MAP4K3: variants seen among roughly 807,000 people sequenced by gnomAD.
The protein encoded by MAP4K3 is mitogen-activated protein kinase kinase kinase kinase 3.
MAP4K3 carries 94 observed loss-of-function variants against 143.5 expected under a neutral mutation model. The ratio of observed to expected loss-of-function variants is 0.65; its 90% confidence interval spans 0.55 to 0.78. The LOEUF is 0.78. MAP4K3 is among the 30% of genes least tolerant of loss of function. The pLI, the probability that MAP4K3 is intolerant of heterozygous loss-of-function variation, is 0.00. For missense variants in MAP4K3, 1,077 were observed against 1,068.1 expected, an observed-to-expected ratio of 1.01 and a Z score of -0.12; for synonymous variants, 416 against 347.2, an observed-to-expected ratio of 1.20 and a Z score of -2.20.
At chr2:39,397,541 C>T (rs568084748) in intron 1 of MAP4K3, among the ~76,000 whole-genome samples, 2 of 152,268 alleles carry the variant, frequency 1.3e-5, no homozygotes, top group Admixed American at 6.5e-5. Flanking sequence ...GGTATCAACT[C>T]TTCTTAAGAT....
At chr2:39,333,151 TA>T (rs2148523004) in intron 7 of MAP4K3, among the ~76,000 whole-genome samples, 1 of 152,322 alleles carries the variant, frequency 6.6e-6, no homozygotes, top group African/African-American at 2.4e-5. Flanking sequence ...TATTTTATTT[TA>T]AAAGCTTTAT....
intron 19 of MAP4K3, 128 bp from the exon 20 acceptor site, chr2:39,288,408 A>T (rs1282665910): frequency 6.8e-6 from 5 of 738,724 alleles, no homozygotes; most frequent in African/African-American, 1.8e-5. Flanking sequence ...GATGAGTTTA[A>T]AGGTTACTCA....
chr2:39,315,729 T>C (rs539905504), intron 12 of MAP4K3, among the ~76,000 whole-genome samples: 3 of 152,278 alleles, frequency 2.0e-5, no homozygotes, highest in Non-Finnish European at 4.4e-5. Context: ...ATGAATCAAG[T>C]ACACTTGAGT....
chr2:39,324,598 A>T (rs1683427362), intron 12 of MAP4K3, among the ~76,000 whole-genome samples: 1 of 152,198 alleles, frequency 6.6e-6, no homozygotes, highest in African/African-American at 2.4e-5. Flanking sequence ...TCTCTGACTT[A>T]AGACAATCTG....
At chr2:39,261,712 A>T (rs188943994) in intron 28 of MAP4K3, among the ~76,000 whole-genome samples, 2 of 152,320 alleles carry the variant, frequency 1.3e-5, no homozygotes, top group African/African-American at 4.8e-5. Flanking sequence ...CACAAAATAA[A>T]AAATTATATA....
intron 1 of MAP4K3, among the ~76,000 whole-genome samples, chr2:39,398,977 G>A (rs1358176265): frequency 6.7e-6 from 1 of 149,932 alleles, no homozygotes; most frequent in Non-Finnish European, 1.5e-5. Context: ...CCAGGAGGTG[G>A]AAGCTGCAGT....
At chr2:39,282,178 G>A (rs1277029063) in intron 22 of MAP4K3, among the ~76,000 whole-genome samples, 1 of 148,498 alleles carries the variant, frequency 6.7e-6, no homozygotes. Flanking sequence ...CTGGGCAACA[G>A]AGTGAGACTC....
chr2:39,376,365 G>A (rs1035796550), intron 2 of MAP4K3, among the ~76,000 whole-genome samples: 32 of 152,126 alleles, frequency 2.1e-4, no homozygotes, highest in Non-Finnish European at 4.1e-4. Context: ...GGCAGAATAT[G>A]AATGATTTTT....
At chr2:39,415,897 G>A (rs1667355461) in intron 1 of MAP4K3, among the ~76,000 whole-genome samples, 1 of 131,838 alleles carries the variant, frequency 7.6e-6, no homozygotes, top group Non-Finnish European at 1.6e-5. Flanking sequence ...AGGTTGCAGT[G>A]AGTCGAGATC....
chr2:39,352,506 G>C (rs562078172), intron 3 of MAP4K3, among the ~76,000 whole-genome samples: 22 of 152,254 alleles, frequency 1.4e-4, no homozygotes, highest in East Asian at 1.4e-3. Flanking sequence ...AGTCTATAAT[G>C]ATTTAATTCT....
chr2:39,319,315 G>T (rs1213057420), intron 12 of MAP4K3, among the ~76,000 whole-genome samples: 4 of 151,792 alleles, frequency 2.6e-5, no homozygotes, highest in Admixed American at 2.6e-4. Context: ...AGGAAATACG[G>T]AAACTAAAAC....
chr2:39,419,945 G>C (rs977360736), intron 1 of MAP4K3, among the ~76,000 whole-genome samples: 1 of 152,172 alleles, frequency 6.6e-6, no homozygotes, highest in African/African-American at 2.4e-5. Context: ...TATGGAAACG[G>C]AAAGATGAAA....
At chr2:39,254,011 TAAAG>T (rs1680251087) in intron 32 of MAP4K3, among the ~76,000 whole-genome samples, 1 of 152,102 alleles carries the variant, frequency 6.6e-6, no homozygotes, top group Admixed American at 6.6e-5. Flanking sequence ...ATGTTGAAAA[TAAAG>T]AGGTAAGTGG....
intron 2 of MAP4K3, among the ~76,000 whole-genome samples, chr2:39,377,192 C>A (rs927616932): frequency 2.3e-3 from 89 of 37,920 alleles, no homozygotes; most frequent in African/African-American, 4.3e-3. Flanking sequence ...AAAGTATTGG[C>A]TATTTGGCCT....
chr2:39,360,485 G>T (rs911026068), intron 2 of MAP4K3, among the ~76,000 whole-genome samples: 2 of 151,956 alleles, frequency 1.3e-5, no homozygotes, highest in East Asian at 1.9e-4. Context: ...TCCAACCTCT[G>T]CCTGTTACCC....
rs148468621 is a variant in MAP4K3, at chr2:39,367,597, C to T, written c.154+10469G>A. On this transcript the variant is annotated intron_variant, in intron 2 of 33. Transcript: ENST00000263881. ...GAAAAGAAAGAAACCATGGCCCTGG[C>T]TCCCTAAAAAAAAAGTCTTACTCTA... is the stretch of plus-strand genomic sequence containing the variant. Among the ~76,000 whole-genome samples the T allele has an allele frequency of 1.9e-3, 283 of 151,534 alleles. 2 individuals carry two copies. Among genetic ancestry groups the T allele is most frequent in the African/African-American group, 6.6e-3 (274 of 41,342 alleles).
intron 17 of MAP4K3, 104 bp downstream of exon 17, chr2:39,293,126 A>T: frequency 2.3e-6 from 2 of 879,990 alleles, no homozygotes; most frequent in Non-Finnish European, 3.6e-6. Flanking sequence ...CTATTAAAGA[A>T]AAAAAAGACA....
chr2:39,344,427 C>T lies in MAP4K3; in HGVS notation c.246-975G>A, dbSNP rs918055774. Among the ~76,000 whole-genome samples, 4 of 152,130 alleles carry T rather than the reference C, an allele frequency of 2.6e-5. No homozygotes were observed. The South Asian group carries it at 6.2e-4, about 24-fold the overall frequency. ...GGTTGAGAAAATAACAAAAATATTT[C>T]TTGACATATGATGATTGTATGAAAT... On this transcript the variant is annotated intron_variant, in intron 3 of 33. Coordinates refer to ENST00000263881, the MANE Select transcript of MAP4K3 (RefSeq NM_003618.4).
intron 3 of MAP4K3, among the ~76,000 whole-genome samples, chr2:39,351,227 T>G (rs924447536): frequency 6.6e-6 from 1 of 152,190 alleles, no homozygotes; most frequent in Non-Finnish European, 1.5e-5. Context: ...AGTAGCTGTC[T>G]CCTGAATATG....
Sources: allele counts gnomAD v4.1 joint callset (sites outside exome capture counted in the v4.1 genomes callset), GRCh38; gene constraint gnomAD v4.1.1; transcripts MANE v1.5; gene names NCBI Gene and HGNC (gene_info 2026-07-23, HGNC 2026-07-21).